The following ABLIM1 variants were observed in gnomAD, a reference collection of about 807,000 sequenced individuals.
The protein encoded by ABLIM1 is actin binding LIM protein 1.
A neutral mutation model predicts 107.0 loss-of-function variants in ABLIM1; 40 were observed. That is an observed-to-expected ratio of 0.37 (90% CI 0.29 to 0.49). The LOEUF (loss-of-function observed/expected upper bound fraction) is 0.49, where lower values mean the gene tolerates loss of function less well. ABLIM1 is among the 20% of genes least tolerant of loss of function. The pLI, the probability that ABLIM1 is intolerant of heterozygous loss-of-function variation, is 0.97. For synonymous variants in ABLIM1, 357 were observed against 357.3 expected (o/e 1.00, Z 0.01); for missense variants, 857 against 1,008.5 (o/e 0.85, Z 2.04).
intron 1 of ABLIM1, among the ~76,000 whole-genome samples, chr10:114,671,705 T>C (rs1172163500): frequency 6.6e-6 from 1 of 152,260 alleles, no homozygotes. Context: ...TGAAATGGTG[T>C]CTCATTGAGG....
chr10:114,537,092 C>T (rs906568389), intron 6 of ABLIM1, among the ~76,000 whole-genome samples: 4 of 152,088 alleles, frequency 2.6e-5, no homozygotes, highest in African/African-American at 9.7e-5. Context: ...GGAATGGTAA[C>T]TTTTGGTCCT....
intron 1 of ABLIM1, among the ~76,000 whole-genome samples, chr10:114,760,218 A>G (rs1418666155): frequency 6.6e-5 from 10 of 152,004 alleles, no homozygotes; most frequent in Admixed American, 2.0e-4. Context: ...AGAGTTCAAC[A>G]CTGTCTATTA....
chr10:114,599,827 A>T lies in ABLIM1; in HGVS notation c.379+2000T>A, dbSNP rs535710287. Among the ~76,000 whole-genome samples, 21 of 151,794 alleles carry T rather than the reference A, an allele frequency of 1.4e-4. No homozygotes were observed. The South Asian group carries it at 4.4e-3, about 31-fold the overall frequency. On this transcript the variant is annotated intron_variant, in intron 2 of 22. Transcript: ENST00000533213. ...AAATAAATAATAAAATAGAATAAATAAAATAAAAAATATATGTGGCTGCAG... is the reference window on the plus strand; with the variant it reads ...AAATAAATAATAAAATAGAATAAATTAAATAAAAAATATATGTGGCTGCAG...
intron 4 of ABLIM1, among the ~76,000 whole-genome samples, chr10:114,548,876 C>T (rs2067686503): frequency 6.6e-6 from 1 of 152,080 alleles, no homozygotes; most frequent in South Asian, 2.1e-4. Context: ...AGGTTTGGAC[C>T]AAGACAGAGT....
chr10:114,547,918 C>T, intron 4 of ABLIM1, 142 bp from the exon 5 acceptor site: 2 of 1,201,544 alleles, frequency 1.7e-6, no homozygotes, highest in Non-Finnish European at 1.1e-6. Flanking sequence ...GTTTCTTTCC[C>T]TGCACAAAAT....
At chr10:114,464,184 ATTTT>A (rs1222001152) in intron 12 of ABLIM1, among the ~76,000 whole-genome samples, 1 of 131,380 alleles carries the variant, frequency 7.6e-6, no homozygotes, top group African/African-American at 2.8e-5. Flanking sequence ...AGCATAAAGG[ATTTT>A]TTTTTTTTTT....
At chr10:114,772,439 CA>C (rs68085342), upstream of ABLIM1, among the ~76,000 whole-genome samples, 41 of 145,370 alleles carry the variant, frequency 2.8e-4, no homozygotes, top group East Asian at 6.0e-4. Flanking sequence ...CTAACTCTAC[CA>C]AAAAAAAAAA....
At chr10:114,673,332 A>AT (rs1294149643) in intron 1 of ABLIM1, among the ~76,000 whole-genome samples, 11 of 151,854 alleles carry the variant, frequency 7.2e-5, no homozygotes, top group Non-Finnish European at 1.2e-4. Flanking sequence ...ACTTGTAATC[A>AT]TTTTTTATAA....
At chr10:114,752,299 G>A (rs2082532590) in intron 1 of ABLIM1, among the ~76,000 whole-genome samples, 1 of 152,190 alleles carries the variant, frequency 6.6e-6, no homozygotes, top group Non-Finnish European at 1.5e-5. Flanking sequence ...TAGAATTCAA[G>A]TCTCCTAACT....
At chr10:114,532,307 G>A (rs1475319211) in intron 6 of ABLIM1, among the ~76,000 whole-genome samples, 1 of 152,190 alleles carries the variant, frequency 6.6e-6, no homozygotes, top group Non-Finnish European at 1.5e-5. Context: ...CCCTTTTTGG[G>A]AGGAATTTCT....
intron 6 of ABLIM1, among the ~76,000 whole-genome samples, chr10:114,528,020 TA>T (rs2065037551): frequency 6.6e-6 from 1 of 151,902 alleles, no homozygotes; most frequent in African/African-American, 2.4e-5. Context: ...GTATTTTTAG[TA>T]GAGATGGGGT....
chr10:114,558,178 A>C (rs1033838956), intron 4 of ABLIM1, among the ~76,000 whole-genome samples: 1 of 151,960 alleles, frequency 6.6e-6, no homozygotes, highest in Non-Finnish European at 1.5e-5. Flanking sequence ...AAGGTCAAGA[A>C]CCCTTCTCCT....
At position 114,432,467 on chromosome 10, in the gene ABLIM1, A is replaced by G. The variant is rs969168211; in HGVS notation, c.*3793T>C. On this transcript the variant is annotated 3_prime_UTR_variant, in exon 23 of 23. Transcript: ENST00000533213. ...CCAGTTAGCTTTAAATGGTTTTTAG[A>G]AAGACTTACCTAGTCAAAAGTGGTT... 6.6e-6 allele frequency: 1 copy of G among 152,244 alleles called. No individual in the cohort carries two copies. The highest frequency in any genetic ancestry group is 1.5e-5 in the Non-Finnish European group (1 of 68,040). 9.4% of individuals were successfully genotyped at this position (152,244 alleles called of 1,614,324 possible).
chr10:114,742,878 G>A (rs2082314035), intron 1 of ABLIM1, among the ~76,000 whole-genome samples: 1 of 152,110 alleles, frequency 6.6e-6, no homozygotes, highest in Admixed American at 6.5e-5. Flanking sequence ...CGCCAAGATT[G>A]TGCCATTGCA....
At chr10:114,660,295 T>C (rs1197701457), upstream of ABLIM1, among the ~76,000 whole-genome samples, 1 of 152,202 alleles carries the variant, frequency 6.6e-6, no homozygotes, top group African/African-American at 2.4e-5. Flanking sequence ...GTTCTATCAA[T>C]GTTTCTCAAA....
intron 4 of ABLIM1, among the ~76,000 whole-genome samples, chr10:114,566,978 G>A (rs2070835515): frequency 6.6e-6 from 1 of 152,200 alleles, no homozygotes; most frequent in African/African-American, 2.4e-5. Context: ...GAACCTGGGA[G>A]GCAGAGGTTG....
the ABLIM1 span, among the ~76,000 whole-genome samples, chr10:114,774,833 G>A: frequency 6.6e-6 from 1 of 152,034 alleles, no homozygotes; most frequent in Admixed American, 6.6e-5. Context: ...CCAAGGCGGA[G>A]ATAAGAATGA....
intron 1 of ABLIM1, among the ~76,000 whole-genome samples, chr10:114,610,118 C>T (rs1001964671): frequency 1.3e-5 from 2 of 152,184 alleles, no homozygotes; most frequent in African/African-American, 4.8e-5. Context: ...GTCATCATTC[C>T]AAAAGCAACA....
rs2061279961 is a variant in ABLIM1, at chr10:114,447,949, G to T, written c.1666C>A (p.Pro556Thr). Residue 556 changes from proline (P) to threonine (T), a missense_variant, in exon 15 of 23, where the codon CCA (proline) becomes ACA (threonine). Physicochemically the swap from Pro to Thr is conservative, Grantham distance 38. Transcript: ENST00000533213. ...ATCTTTGGTGTCTCGCTGGGGTCTGGTGCCTGGGCTGCTGGGAACTTGGAA... is the reference window on the plus strand; with the variant it reads ...ATCTTTGGTGTCTCGCTGGGGTCTGTTGCCTGGGCTGCTGGGAACTTGGAA... Reference protein sequence around the residue: ...KFSKFPAAQAPDPSETPKIET... With the variant: ...KFSKFPAAQATDPSETPKIET... The T allele has an allele frequency of 6.2e-7, 1 of 1,614,022 alleles. No homozygotes were observed. Among genetic ancestry groups the T allele is most frequent in the Non-Finnish European group, 8.5e-7 (1 of 1,180,034 alleles).
Sources: gnomAD v4.1 joint callset for allele counts (sites outside exome capture counted in the v4.1 genomes callset) on GRCh38, gnomAD v4.1.1 for gene constraint, MANE v1.5 for transcripts, NCBI Gene and HGNC (gene_info 2026-07-23, HGNC 2026-07-21) for gene names.